Variants in TSHZ2 observed in about 807,000 individuals in gnomAD.
TSHZ2 encodes teashirt homolog 2.
Under a neutral mutation model 74.4 loss-of-function variants are expected in TSHZ2, and 21 were observed. The observed-to-expected ratio is 0.28, with a 90% CI of 0.20 to 0.41. The LOEUF (loss-of-function observed/expected upper bound fraction) is 0.41. TSHZ2 is among the 10% of genes least tolerant of loss of function. TSHZ2 has a pLI of 1.00. For synonymous variants in TSHZ2, 540 were observed against 515.3 expected (o/e 1.05, Z -0.65); for missense variants, 1,244 against 1,293.5 (o/e 0.96, Z 0.59).
intron 2 of TSHZ2, among the ~76,000 whole-genome samples, chr20:53,388,990 C>A (rs968588612): frequency 6.6e-6 from 1 of 152,224 alleles, no homozygotes; most frequent in African/African-American, 2.4e-5. Flanking sequence ...TAGTTTAATT[C>A]TCTTCCAGTG....
intron 1 of TSHZ2, among the ~76,000 whole-genome samples, chr20:53,119,591 A>G (rs960839743): frequency 3.3e-5 from 5 of 152,232 alleles, no homozygotes; most frequent in African/African-American, 9.6e-5. Flanking sequence ...TATGAAATAC[A>G]CATAGACTAT....
chr20:53,401,003 C>A (rs913690730), intron 2 of TSHZ2: 1 of 152,198 alleles, frequency 6.6e-6, no homozygotes, highest in Non-Finnish European at 1.5e-5. Flanking sequence ...TCATGTAGAA[C>A]TTTTATTCCC....
chr20:53,105,439 AT>A (rs1267616623), intron 1 of TSHZ2, among the ~76,000 whole-genome samples: 1 of 152,072 alleles, frequency 6.6e-6, no homozygotes, highest in Non-Finnish European at 1.5e-5. Context: ...GCTTTCAGAT[AT>A]TGCCAAATGT....
At chr20:53,268,357 G>T (rs1990760873) in intron 2 of TSHZ2, among the ~76,000 whole-genome samples, 1 of 152,132 alleles carries the variant, frequency 6.6e-6, no homozygotes, top group Non-Finnish European at 1.5e-5. Flanking sequence ...GAGAAATTCA[G>T]ATGTTCTGAA....
chr20:53,446,592 AAAAGAG>A (rs1428755231), intron 2 of TSHZ2, among the ~76,000 whole-genome samples: 2 of 151,506 alleles, frequency 1.3e-5, no homozygotes, highest in African/African-American at 4.8e-5. Flanking sequence ...AAAAAAAAAA[AAAAGAG>A]AGAGAAGGAA....
At position 53,264,112 on chromosome 20, in the gene TSHZ2, G is replaced by A. The variant is rs369582803; in HGVS notation, c.*8+7541G>A. Among the ~76,000 whole-genome samples the A allele has an allele frequency of 5.9e-5, 9 of 152,214 alleles. No individual in the cohort carries two copies. The South Asian group carries it at 1.2e-3, about 21-fold the overall frequency. ...TTAGGGCACAATACTCATTGCCGGCGTAGCTTGTGAAATGGTGTGTGTTCT... is the reference window on the plus strand; with the variant it reads ...TTAGGGCACAATACTCATTGCCGGCATAGCTTGTGAAATGGTGTGTGTTCT... On this transcript the variant is annotated intron_variant, in intron 2 of 2. Transcript: ENST00000371497.
intron 2 of TSHZ2, among the ~76,000 whole-genome samples, chr20:53,352,887 G>T (rs1326809164): frequency 6.6e-6 from 1 of 151,712 alleles, no homozygotes; most frequent in Non-Finnish European, 1.5e-5. Flanking sequence ...AGTAAAAATT[G>T]ACTCACATGG....
At chr20:53,323,025 C>T (rs1297249206) in intron 2 of TSHZ2, among the ~76,000 whole-genome samples, 3 of 152,222 alleles carry the variant, frequency 2.0e-5, no homozygotes, top group Non-Finnish European at 2.9e-5. Context: ...AAGGGACTTA[C>T]TGAGATGCCA....
At chr20:53,379,623 A>G (rs912824038) in intron 2 of TSHZ2, among the ~76,000 whole-genome samples, 2 of 152,194 alleles carry the variant, frequency 1.3e-5, no homozygotes, top group African/African-American at 4.8e-5. Context: ...GTCTTTGCCA[A>G]GCGAAGCCCA....
At chr20:53,461,128 C>T (rs1404090311) in intron 2 of TSHZ2, among the ~76,000 whole-genome samples, 1 of 151,564 alleles carries the variant, frequency 6.6e-6, no homozygotes, top group Admixed American at 6.6e-5. Flanking sequence ...TGGCGGGCGC[C>T]CCTCCCCCAG....
intron 1 of TSHZ2, among the ~76,000 whole-genome samples, chr20:53,039,805 C>CAA (rs1011488565): frequency 1.2e-4 from 18 of 151,524 alleles, no homozygotes; most frequent in African/African-American, 3.9e-4. Context: ...CACACACACA[C>CAA]ACACACACAC....
chr20:53,210,301 G>GT (rs1989273875), intron 1 of TSHZ2, among the ~76,000 whole-genome samples: 1 of 152,184 alleles, frequency 6.6e-6, no homozygotes, highest in Non-Finnish European at 1.5e-5. Flanking sequence ...ACAGCTTTCT[G>GT]TATCCCAAGC....
intron 2 of TSHZ2, among the ~76,000 whole-genome samples, chr20:53,360,582 A>G (rs1180466817): frequency 6.6e-6 from 1 of 152,132 alleles, no homozygotes; most frequent in Non-Finnish European, 1.5e-5. Context: ...AGATGGTGTG[A>G]TTTTTGTCAG....
At chr20:53,471,803 CTTTTT>C (rs58027394) in intron 2 of TSHZ2, among the ~76,000 whole-genome samples, 1 of 87,282 alleles carries the variant, frequency 1.1e-5, no homozygotes, top group African/African-American at 4.4e-5. Flanking sequence ...CTTTTCTTTT[CTTTTT>C]TTTTTTTTTT....
rs190834994 is a variant in TSHZ2, at chr20:53,447,206, C to T, written c.*9-39938C>T. Among the ~76,000 whole-genome samples the T allele has an allele frequency of 1.1e-3, 169 of 152,256 alleles. 1 individual carries two copies. The highest frequency in any genetic ancestry group is 3.1e-3 in the African/African-American group (128 of 41,548). On this transcript the variant is annotated intron_variant, in intron 2 of 2. Coordinates refer to ENST00000371497, the MANE Select transcript of TSHZ2 (RefSeq NM_173485.6). ...AATCCCTTCAAGTGTTTTTGTAGGA[C>T]CACTCACCGGACTTCAGTGTTCCCC...
At chr20:53,443,748 G>A (rs1984432645) in intron 2 of TSHZ2, among the ~76,000 whole-genome samples, 1 of 152,200 alleles carries the variant, frequency 6.6e-6, no homozygotes. Context: ...TGCCCTCTGA[G>A]CCATAGTTTC....
Position 53,491,085 on chromosome 20 carries a change from A to C in TSHZ2, c.*3950A>C, listed in dbSNP as rs1568940562. The C allele has an allele frequency of 6.7e-6, 1 of 150,046 alleles. No homozygotes were observed. Among genetic ancestry groups the C allele is most frequent in the Non-Finnish European group, 1.5e-5 (1 of 67,832 alleles). The allele number at this position is 150,046 out of a possible 1,614,324, so 9.3% of individuals were successfully genotyped here. A position where few individuals can be genotyped will look rare whatever the true frequency, so the allele number is the denominator to read the frequency against. On this transcript the variant is annotated 3_prime_UTR_variant, in exon 3 of 3. Coordinates refer to ENST00000371497, the MANE Select transcript of TSHZ2 (RefSeq NM_173485.6). ...GTTTAAAAAAAAAAAAAAAACCCCAAATGTCATTTTTCACATTATCCTCTC... is the reference window on the plus strand; with the variant it reads ...GTTTAAAAAAAAAAAAAAAACCCCACATGTCATTTTTCACATTATCCTCTC...
chr20:53,386,525 T>C (rs1029654184), intron 2 of TSHZ2, among the ~76,000 whole-genome samples: 1 of 152,230 alleles, frequency 6.6e-6, no homozygotes, highest in Non-Finnish European at 1.5e-5. Context: ...ATATTGTAAT[T>C]TGGCTATCAG....
intron 1 of TSHZ2, among the ~76,000 whole-genome samples, chr20:53,228,140 A>ACT (rs1397077950): frequency 1.4e-5 from 2 of 147,958 alleles, no homozygotes; most frequent in Non-Finnish European, 3.0e-5. Context: ...ACACACACAC[A>ACT]CACTCACAGA....
Sources: allele counts gnomAD v4.1 joint callset (sites outside exome capture counted in the v4.1 genomes callset), GRCh38; gene constraint gnomAD v4.1.1; transcripts MANE v1.5; gene names NCBI Gene and HGNC (gene_info 2026-07-23, HGNC 2026-07-21).